Variants in POLD3 observed in about 807,000 individuals in gnomAD.
POLD3 encodes the protein DNA polymerase delta subunit 3.
A neutral mutation model predicts 58.2 loss-of-function variants in POLD3; 19 were observed. The ratio of observed to expected loss-of-function variants is 0.33; its 90% CI spans 0.23 to 0.48. The LOEUF (loss-of-function observed/expected upper bound fraction) is 0.48. Among genes scored for constraint, POLD3 ranks in the 20% least tolerant of loss-of-function variants. The pLI, the probability that POLD3 is intolerant of heterozygous loss-of-function variation, is 0.99. For synonymous variants in POLD3, 172 were observed against 193.5 expected, an observed-to-expected ratio of 0.89 and a Z score of 0.92; for missense variants, 504 against 545.5, an observed-to-expected ratio of 0.92 and a Z score of 0.76.
chr11:74,656,105 G>C (rs183205405), intron 4 of POLD3, among the ~76,000 whole-genome samples: 1 of 152,190 alleles, frequency 6.6e-6, no homozygotes, highest in East Asian at 1.9e-4. Context: ...AAAATATTTA[G>C]GGATAAATTT....
intron 2 of POLD3, among the ~76,000 whole-genome samples, chr11:74,598,903 G>A (rs1328266174): frequency 1.3e-5 from 2 of 152,186 alleles, no homozygotes; most frequent in African/African-American, 2.4e-5. Flanking sequence ...ATGAGAGAAT[G>A]TAGAAGAGCA....
chr11:74,613,659 C>T (rs1308965755), intron 5 of POLD3, among the ~76,000 whole-genome samples: 1 of 152,030 alleles, frequency 6.6e-6, no homozygotes, highest in East Asian at 1.9e-4. Context: ...AGATCAGTTC[C>T]CCAGACATAC....
chr11:74,623,199 C>T (rs1175961645), intron 7 of POLD3, among the ~76,000 whole-genome samples: 8 of 152,038 alleles, frequency 5.3e-5, no homozygotes, highest in Admixed American at 3.3e-4. Context: ...TTTGGGAGGC[C>T]GAGGCGGGCG....
chr11:74,643,670 G>A (rs2032964492), downstream of POLD3, among the ~76,000 whole-genome samples: 1 of 152,148 alleles, frequency 6.6e-6, no homozygotes. Context: ...AGAATAGGGA[G>A]GAAAATGTAT....
chr11:74,629,135 T>C (rs1424128333), intron 8 of POLD3, 82 bp from the exon 9 acceptor site: 4 of 792,034 alleles, frequency 5.1e-6, no homozygotes, highest in African/African-American at 3.6e-5. Flanking sequence ...CCACGAGTTA[T>C]AAAGCAAAAC....
downstream of POLD3, among the ~76,000 whole-genome samples, chr11:74,647,027 G>A (rs905380769): frequency 6.6e-5 from 10 of 152,186 alleles, no homozygotes; most frequent in South Asian, 2.1e-4. Context: ...AGTTAGATTC[G>A]CATAAGGAGT....
In POLD3 at chr11:74,592,824, A is replaced by T; in HGVS notation, c.60+106A>T. ...GTCTGCTTGTGGCTTCGTGGGGACCAGGGGAGACAGGTCCCCACGAGGGGA... is the reference window on the plus strand; with the variant it reads ...GTCTGCTTGTGGCTTCGTGGGGACCTGGGGAGACAGGTCCCCACGAGGGGA... On this transcript the variant is annotated intron_variant, in intron 1 of 11. Coordinates refer to ENST00000263681, the MANE Select transcript of POLD3 (RefSeq NM_006591.3). 10 of 1,532,544 alleles carry T rather than the reference A, an allele frequency of 6.5e-6. No individual in the cohort carries two copies. The East Asian group carries it at 7.4e-5, about 11-fold the overall frequency. 94.9% of individuals were successfully genotyped at this position (1,532,544 alleles called of 1,614,324 possible).
At chr11:74,665,314 ACT>A (rs931632402) in intron 4 of POLD3, among the ~76,000 whole-genome samples, 7 of 88,670 alleles carry the variant, frequency 7.9e-5, no homozygotes, top group African/African-American at 2.9e-4. Flanking sequence ...ACAGAGCAAG[ACT>A]CTGTCTCAAA....
Position 74,642,368 on chromosome 11 carries a change from C to T in POLD3, c.*1602C>T. ...AAGGATGGAAAGCCTGGACTTAAAC[C>T]TTTAGAAAAAACTTCTGGAGAGAAA... On this transcript the variant is annotated 3_prime_UTR_variant, in exon 12 of 12. Transcript: ENST00000263681. 1 of 985,290 alleles carries T rather than the reference C, an allele frequency of 1.0e-6. No individual in the cohort carries two copies. The highest frequency in any genetic ancestry group is 1.2e-6 in the Non-Finnish European group (1 of 829,844). 61.0% of individuals were successfully genotyped at this position (985,290 alleles called of 1,614,324 possible). A position where few individuals can be genotyped will look rare whatever the true frequency, so the allele number is the denominator to read the frequency against.
chr11:74,608,426 G>C (rs1156639781), intron 3 of POLD3, among the ~76,000 whole-genome samples: 2 of 151,990 alleles, frequency 1.3e-5, no homozygotes, highest in African/African-American at 4.8e-5. Flanking sequence ...TGGCCTTTCT[G>C]TTTTTTTAGC....
chr11:74,625,309 C>T (rs1047800186), intron 7 of POLD3, 99 bp from the exon 8 acceptor site: 32 of 934,396 alleles, frequency 3.4e-5, no homozygotes, highest in Non-Finnish European at 4.8e-5. Flanking sequence ...TTTGCCCCTG[C>T]TCCTAACATA....
In POLD3 at chr11:74,604,809, C is replaced by G. The variant is rs764262925; in HGVS notation, c.219+15C>G. The G allele has an allele frequency of 1.5e-6, 2 of 1,316,974 alleles. No individual in the cohort carries two copies. The highest frequency in any genetic ancestry group is 2.3e-5 in the East Asian group (1 of 43,516). 81.6% of individuals were successfully genotyped at this position (1,316,974 alleles called of 1,614,324 possible). Reference sequence around the variant, plus strand: ...ATGGACATTCCGTAAGTTCTCAGAGCCTTGTAATGAGCTTAAATGTGTTTG... The same window carrying G: ...ATGGACATTCCGTAAGTTCTCAGAGGCTTGTAATGAGCTTAAATGTGTTTG... On this transcript the variant is annotated intron_variant, in intron 3 of 11. Transcript: ENST00000263681.
chr11:74,609,751 T>C (rs2031843667), intron 3 of POLD3, among the ~76,000 whole-genome samples: 1 of 152,168 alleles, frequency 6.6e-6, no homozygotes, highest in South Asian at 2.1e-4. Flanking sequence ...AATGTTTTCA[T>C]ACGTGCAAAC....
At chr11:74,656,744 GTTTT>G (rs60280704) in intron 4 of POLD3, among the ~76,000 whole-genome samples, 103,014 of 147,182 alleles carry the variant, frequency 0.7, 35,982 homozygotes, top group Middle Eastern at 0.76. Context: ...ATATTTCAGG[GTTTT>G]TTTTTTTTTT....
At chr11:74,626,638 T>A (rs950811009) in intron 8 of POLD3, among the ~76,000 whole-genome samples, 1 of 152,218 alleles carries the variant, frequency 6.6e-6, no homozygotes, top group African/African-American at 2.4e-5. Context: ...AATATTACAC[T>A]AAGCATTTGT....
intron 7 of POLD3, among the ~76,000 whole-genome samples, chr11:74,623,892 A>G (rs1202176096): frequency 6.6e-6 from 1 of 152,200 alleles, no homozygotes; most frequent in East Asian, 1.9e-4. Context: ...AGCTGCATAT[A>G]TGTTTAAGTT....
chr11:74,618,307 TAGTAAA>T (rs1361075608), intron 5 of POLD3, among the ~76,000 whole-genome samples: 4 of 152,192 alleles, frequency 2.6e-5, no homozygotes, highest in African/African-American at 9.7e-5. Context: ...ATGTATAACC[TAGTAAA>T]AGTGACTCAC....
At chr11:74,620,604 T>C (rs935026473) in intron 7 of POLD3, among the ~76,000 whole-genome samples, 39 of 152,210 alleles carry the variant, frequency 2.6e-4, no homozygotes, top group African/African-American at 8.9e-4. Context: ...TAATGGACAT[T>C]TAAAAATCTT....
At chr11:74,665,004 G>T (rs1020887659) in intron 4 of POLD3, among the ~76,000 whole-genome samples, 1 of 152,102 alleles carries the variant, frequency 6.6e-6, no homozygotes, top group African/African-American at 2.4e-5. Context: ...GGAGGCTGAG[G>T]CAGGAGAATT....
Sources: gnomAD v4.1 joint callset for allele counts (sites outside exome capture counted in the v4.1 genomes callset) on GRCh38, gnomAD v4.1.1 for gene constraint, MANE v1.5 for transcripts, NCBI Gene and HGNC (gene_info 2026-07-23, HGNC 2026-07-21) for gene names.